UPF2: variants seen among roughly 807,000 people sequenced by gnomAD.
The protein encoded by UPF2 is UPF2 regulator of nonsense mediated mRNA decay.
Under a neutral mutation model 141.4 loss-of-function variants are expected in UPF2, and 17 were observed. The ratio of observed to expected loss-of-function variants is 0.12; its 90% CI spans 0.08 to 0.18. The LOEUF (loss-of-function observed/expected upper bound fraction) is 0.18, where lower values mean the gene tolerates loss of function less well. Ranked by LOEUF, UPF2 falls within the 10% of genes least tolerant of loss-of-function variation. UPF2 has a pLI of 1.00. For missense variants in UPF2, 1,152 were observed against 1,515.9 expected (o/e 0.76, Z 3.99); for synonymous variants, 540 against 498.0 (o/e 1.08, Z -1.12).
intron 21 of UPF2, among the ~76,000 whole-genome samples, chr10:11,927,411 C>T (rs1376429120): frequency 2.6e-5 from 4 of 152,090 alleles, no homozygotes; most frequent in Non-Finnish European, 5.9e-5. Context: ...TGGCAAAAAC[C>T]GCATTACTTT....
At chr10:11,962,237 T>C (rs147377789) in intron 11 of UPF2, among the ~76,000 whole-genome samples, 1 of 152,336 alleles carries the variant, frequency 6.6e-6, no homozygotes, top group East Asian at 1.9e-4. Flanking sequence ...CAAGACTAAT[T>C]TTGAAGGCAA....
At chr10:11,943,748 A>G (rs11257439) in intron 16 of UPF2, among the ~76,000 whole-genome samples, 34,880 of 152,066 alleles carry the variant, frequency 0.23, 4,270 homozygotes, top group East Asian at 0.46. Flanking sequence ...CCAAGGGCAC[A>G]CTGCTGTTAA....
At position 12,014,046 on chromosome 10, in the gene UPF2, A is replaced by G; in HGVS notation, c.1284T>C (p.Pro428=). 1 of 1,579,162 alleles carries G rather than the reference A, an allele frequency of 6.3e-7. No individual in the cohort carries two copies. The highest frequency in any genetic ancestry group is 8.6e-7 in the Non-Finnish European group (1 of 1,162,348). The change falls in exon 4 of 22, where the codon CCT becomes CCC. Residue 428 remains proline (P), a synonymous_variant. Coordinates refer to ENST00000357604, the MANE Select transcript of UPF2 (RefSeq NM_015542.4). The surrounding 1 kb of genome is among the most constrained non-coding windows in gnomAD (Gnocchi z 5.0). ...DLLDENMPDL[P]QDKPTPEEHG... ...TACCTTCTGGTGTTGGTTTGTCTTGAGGAAGATCTGGCATATTTTCATCCA... is the reference window on the plus strand; with the variant it reads ...TACCTTCTGGTGTTGGTTTGTCTTGGGGAAGATCTGGCATATTTTCATCCA...
chr10:12,018,562 C>A (rs1287525276), intron 3 of UPF2, among the ~76,000 whole-genome samples: 1 of 151,548 alleles, frequency 6.6e-6, no homozygotes, highest in African/African-American at 2.4e-5. Context: ...GCCTGGGGGA[C>A]AGAGCAAGAC....
At chr10:11,943,540 C>A (rs895561830) in intron 16 of UPF2, among the ~76,000 whole-genome samples, 1 of 152,142 alleles carries the variant, frequency 6.6e-6, no homozygotes. Flanking sequence ...TGGAAACCAA[C>A]AAAAGTTCAA....
At chr10:11,947,512 TGGC>T (rs1833015984) in intron 16 of UPF2, among the ~76,000 whole-genome samples, 1 of 152,116 alleles carries the variant, frequency 6.6e-6, no homozygotes, top group African/African-American at 2.4e-5. Context: ...TGGGGTGCAA[TGGC>T]TCACACCCAT....
At chr10:11,947,834 T>C (rs2131178236) in intron 16 of UPF2, among the ~76,000 whole-genome samples, 1 of 151,688 alleles carries the variant, frequency 6.6e-6, no homozygotes, top group South Asian at 2.1e-4. Context: ...AATTTTTTCT[T>C]TAAATTGCTT....
chr10:11,980,908 G>C lies in UPF2; in HGVS notation c.1845-1743C>G, dbSNP rs1833580690. 6.6e-6 allele frequency among the ~76,000 whole-genome samples: 1 copy of C among 151,998 alleles called. No homozygotes were observed. Among genetic ancestry groups the C allele is most frequent in the South Asian group, 2.1e-4 (1 of 4,824 alleles). On this transcript the variant is annotated intron_variant, in intron 8 of 21. Transcript: ENST00000357604. This position sits in a 1 kb window ranked among gnomAD's most constrained non-coding sequence, Gnocchi z 4.2. ...GATGGAAATAAATTTGAAAGGTATG[G>C]TTAGGCTGGGCATGGTGGTCAATAA...
chr10:11,980,264 C>T lies in UPF2; in HGVS notation c.1845-1099G>A, dbSNP rs910364067. 2.0e-5 allele frequency among the ~76,000 whole-genome samples: 3 copies of T among 152,210 alleles called. No homozygotes were observed. Among genetic ancestry groups the T allele is most frequent in the Admixed American group, 1.3e-4 (2 of 15,276 alleles). Reference sequence around the variant, plus strand: ...AACCTGATTAATCAATGATTCAACACTCAGCAGATCAGACTCTGAAGATGA... The same window carrying T: ...AACCTGATTAATCAATGATTCAACATTCAGCAGATCAGACTCTGAAGATGA... On this transcript the variant is annotated intron_variant, in intron 8 of 21. Coordinates refer to ENST00000357604, the MANE Select transcript of UPF2 (RefSeq NM_015542.4). The surrounding 1 kb of genome is among the most constrained non-coding windows in gnomAD (Gnocchi z 4.2).
At chr10:11,989,235 A>G (rs1408358014) in intron 8 of UPF2, among the ~76,000 whole-genome samples, 1 of 152,212 alleles carries the variant, frequency 6.6e-6, no homozygotes, top group East Asian at 1.9e-4. Flanking sequence ...ACCTGAAAAG[A>G]CTACACAGAA....
At chr10:12,037,552 C>A (rs1834654636) in intron 1 of UPF2, among the ~76,000 whole-genome samples, 1 of 151,868 alleles carries the variant, frequency 6.6e-6, no homozygotes. Flanking sequence ...TGTGCCATCA[C>A]ACTCAGCTAA....
chr10:11,963,888 A>T, intron 11 of UPF2, 121 bp downstream of exon 11: 1 of 671,544 alleles, frequency 1.5e-6, no homozygotes, highest in Middle Eastern at 2.6e-4. Flanking sequence ...TTCCACTTTA[A>T]GTAGAAATGT....
chr10:11,941,778 A>G (rs924443141), intron 18 of UPF2, among the ~76,000 whole-genome samples: 2 of 152,244 alleles, frequency 1.3e-5, no homozygotes, highest in African/African-American at 4.8e-5. Context: ...CAACAAGTAC[A>G]TATAGGGCTG....
At chr10:11,977,749 G>A (rs1306604742) in intron 9 of UPF2, among the ~76,000 whole-genome samples, 1 of 152,092 alleles carries the variant, frequency 6.6e-6, no homozygotes, top group African/African-American at 2.4e-5. Context: ...TGTGTTCTTT[G>A]AGGGGCTCCA....
At chr10:11,923,015 C>G (rs978172290) in intron 21 of UPF2, among the ~76,000 whole-genome samples, 4 of 152,102 alleles carry the variant, frequency 2.6e-5, no homozygotes, top group Admixed American at 6.6e-5. Context: ...GCCTGGGTGA[C>G]AGAGCAAGAA....
In UPF2 at chr10:11,960,467, C is replaced by T. The variant is rs147951388; in HGVS notation, c.2185-1111G>A. Among the ~76,000 whole-genome samples, 45 of 152,238 alleles carry T rather than the reference C, an allele frequency of 3.0e-4. No homozygotes were observed. In the East Asian group the frequency reaches 7.3e-3, roughly 25 times the overall value. ...CCTGTAGTCCCAGCTACTCGGGAAG[C>T]TGAAGCAGGAGGATCACGTGAGCCC... On this transcript the variant is annotated intron_variant, in intron 11 of 21. Transcript: ENST00000357604.
intron 15 of UPF2, among the ~76,000 whole-genome samples, chr10:11,950,129 T>C (rs909769361): frequency 4.6e-5 from 7 of 152,190 alleles, no homozygotes; most frequent in Non-Finnish European, 8.8e-5. Flanking sequence ...GTATGGAATA[T>C]TGGTATTGCT....
At chr10:11,981,312 G>A (rs146450029) in intron 8 of UPF2, among the ~76,000 whole-genome samples, 2 of 152,226 alleles carry the variant, frequency 1.3e-5, no homozygotes, top group East Asian at 1.9e-4. Context: ...TTTTACTAAT[G>A]TGCTGGGCCC....
At chr10:12,012,128 G>T (rs10906046) in intron 4 of UPF2, among the ~76,000 whole-genome samples, 149,610 of 149,616 alleles carry the variant, frequency 1, 74,802 homozygotes, top group Non-Finnish European at 1. Context: ...AATGGCGCGA[G>T]CCTGGCTCTC....
Sources: gnomAD v4.1 joint callset for allele counts (sites outside exome capture counted in the v4.1 genomes callset) on GRCh38, gnomAD v4.1.1 for gene constraint, Gnocchi (gnomAD v3.1) non-coding constraint, MANE v1.5 for transcripts, NCBI Gene and HGNC (gene_info 2026-07-23, HGNC 2026-07-21) for gene names.